The following TRAPPC8 variants were observed in gnomAD, a reference collection of about 807,000 sequenced individuals.
The protein encoded by TRAPPC8 is trafficking protein particle complex subunit 8.
TRAPPC8 carries 54 observed loss-of-function variants against 174.3 expected under a neutral mutation model. That is an observed-to-expected ratio of 0.31 (90% CI 0.25 to 0.39). TRAPPC8 has a LOEUF of 0.39. TRAPPC8 is among the 10% of genes least tolerant of loss of function. TRAPPC8 has a pLI of 1.00. For synonymous variants in TRAPPC8, 630 were observed against 579.9 expected (o/e 1.09, Z -1.24); for missense variants, 1,531 against 1,699.1 (o/e 0.90, Z 1.74).
intron 7 of TRAPPC8, 31 bp from the exon 8 acceptor site, chr18:31,908,449 A>G: frequency 7.2e-7 from 1 of 1,393,694 alleles, no homozygotes; most frequent in Non-Finnish European, 9.7e-7. Flanking sequence ...ATGTTGACAA[A>G]CAAAGAATTT....
chr18:31,850,085 T>C (rs2033630836), intron 24 of TRAPPC8, among the ~76,000 whole-genome samples: 1 of 152,058 alleles, frequency 6.6e-6, no homozygotes, highest in African/African-American at 2.4e-5. Flanking sequence ...TCCGAGTAGC[T>C]AGGTTACAGG....
chr18:31,849,134 T>A (rs2033567082), intron 25 of TRAPPC8, among the ~76,000 whole-genome samples: 2 of 152,140 alleles, frequency 1.3e-5, no homozygotes, highest in Non-Finnish European at 2.9e-5. Flanking sequence ...TATGTCATTT[T>A]AAAAATACTA....
chr18:31,890,473 A>T (rs938077290), intron 12 of TRAPPC8, among the ~76,000 whole-genome samples: 1 of 152,146 alleles, frequency 6.6e-6, no homozygotes, highest in African/African-American at 2.4e-5. Flanking sequence ...ATTTAGTTTA[A>T]CCTAACCAAA....
chr18:31,836,807 G>A (rs1257401235), intron 27 of TRAPPC8, among the ~76,000 whole-genome samples: 1 of 144,326 alleles, frequency 6.9e-6, no homozygotes, highest in Non-Finnish European at 1.5e-5. Flanking sequence ...TGTCGCCCAG[G>A]CTGGACTGCA....
chr18:31,857,636 T>G lies in TRAPPC8; in HGVS notation c.3092A>C (p.Gln1031Pro). The G allele has an allele frequency of 4.3e-6, 7 of 1,614,166 alleles. No individual in the cohort carries two copies. Among genetic ancestry groups the G allele is most frequent in the Non-Finnish European group, 5.9e-6 (7 of 1,180,020 alleles). The change falls in exon 20 of 29, where the codon CAG becomes CCG. Residue 1031 changes from glutamine (Q) to proline (P), a missense_variant. Gln to Pro is a moderately conservative substitution (Grantham distance 76). Transcript: ENST00000283351. ...AGGCCCACGTAACCACATTGGCAGCTGCACTGAGGCTCCGGGTAGAAGAAC... is the reference window on the plus strand; with the variant it reads ...AGGCCCACGTAACCACATTGGCAGCGGCACTGAGGCTCCGGGTAGAAGAAC... The part of the protein sequence containing the change: ...DTVLLPGASV[Q>P]LPMWLRGPDE...
At chr18:31,842,404 G>A (rs566541362) in intron 26 of TRAPPC8, among the ~76,000 whole-genome samples, 1 of 152,178 alleles carries the variant, frequency 6.6e-6, no homozygotes, top group Non-Finnish European at 1.5e-5. Flanking sequence ...AACACTGATT[G>A]TGAGACATGA....
intron 2 of TRAPPC8, among the ~76,000 whole-genome samples, chr18:31,928,174 A>T (rs34059722): frequency 0.093 from 13,910 of 149,646 alleles, 857 homozygotes; most frequent in African/African-American, 0.18. Flanking sequence ...AAAATAAAAT[A>T]AAATAAAATA....
chr18:31,879,450 T>C (rs1301023233), intron 12 of TRAPPC8, among the ~76,000 whole-genome samples: 2 of 151,942 alleles, frequency 1.3e-5, no homozygotes, highest in East Asian at 3.9e-4. Context: ...ACACAACATA[T>C]CAATACCTCT....
chr18:31,908,402 C>T lies in TRAPPC8; in HGVS notation c.1139G>A (p.Gly380Asp), dbSNP rs770266674. ...QLNDQLISRKGLSRSLFSATK... is the reference protein window; with the variant it reads ...QLNDQLISRKDLSRSLFSATK... ...TGCAGAAAATAGAGATCGACTCAAA[C>T]CTTTTCTTGATATTAGCTTTAAAAA... The change falls in exon 8 of 29, where the codon GGT (glycine) becomes GAT (aspartate). Residue 380 changes from glycine to aspartate, a missense_variant. Physicochemically the swap from Gly to Asp is moderately conservative, Grantham distance 94. Transcript: ENST00000283351. The T allele has an allele frequency of 1.9e-6, 3 of 1,585,988 alleles. No individual in the cohort carries two copies. The highest frequency in any genetic ancestry group is 2.6e-6 in the Non-Finnish European group (3 of 1,166,962).
At chr18:31,842,509 T>C (rs972663911) in intron 26 of TRAPPC8, among the ~76,000 whole-genome samples, 2 of 152,186 alleles carry the variant, frequency 1.3e-5, no homozygotes, top group Non-Finnish European at 2.9e-5. Flanking sequence ...AGACACCAAA[T>C]ACTAATGTGG....
intron 12 of TRAPPC8, among the ~76,000 whole-genome samples, chr18:31,880,166 A>G (rs1315071134): frequency 7.0e-6 from 1 of 142,760 alleles, no homozygotes; most frequent in Non-Finnish European, 1.5e-5. Context: ...AACTAATATC[A>G]TCCTGATATC....
chr18:31,846,902 A>C, intron 25 of TRAPPC8, 85 bp from the exon 26 acceptor site: 2 of 930,140 alleles, frequency 2.2e-6, no homozygotes, highest in Non-Finnish European at 3.3e-6. Context: ...GAAAGTGGAA[A>C]TAATATGGCC....
intron 8 of TRAPPC8, 37 bp from the exon 9 acceptor site, chr18:31,907,647 C>A: frequency 2.7e-6 from 4 of 1,482,852 alleles, no homozygotes; most frequent in Non-Finnish European, 2.7e-6. Context: ...TAATTTATTA[C>A]CCCCCAAACC....
intron 1 of TRAPPC8, among the ~76,000 whole-genome samples, chr18:31,935,364 C>CAAA (rs10646414): frequency 9.2e-6 from 1 of 108,196 alleles, no homozygotes. Context: ...ACAAACAAAC[C>CAAA]AAAAAAAAAA....
At position 31,906,174 on chromosome 18, in the gene TRAPPC8, C is replaced by T. The variant is rs1242655736; in HGVS notation, c.1389+1286G>A. On this transcript the variant is annotated intron_variant, in intron 9 of 28. Coordinates refer to ENST00000283351, the MANE Select transcript of TRAPPC8 (RefSeq NM_014939.5). ...CGAAACCCTGTCTATACTAAAAATA[C>T]GAAAAAAAAAAAAAAAATTAGATGG... Among the ~76,000 whole-genome samples, 14 of 120,882 alleles carry T rather than the reference C, an allele frequency of 1.2e-4. No individual in the cohort carries two copies. In the East Asian group the frequency reaches 3.0e-3, roughly 26 times the overall value. 79.3% of individuals were successfully genotyped at this position (120,882 alleles called of 152,430 possible).
intron 12 of TRAPPC8, among the ~76,000 whole-genome samples, chr18:31,878,605 T>C (rs1255586459): frequency 6.6e-6 from 1 of 152,156 alleles, no homozygotes; most frequent in Non-Finnish European, 1.5e-5. Context: ...CAATTGGGAC[T>C]ACAAAGCAAC....
At chr18:31,879,034 T>G (rs920715598) in intron 12 of TRAPPC8, among the ~76,000 whole-genome samples, 1 of 152,178 alleles carries the variant, frequency 6.6e-6, no homozygotes, top group Non-Finnish European at 1.5e-5. Context: ...ACTGGGGGAC[T>G]TCAACACCCC....
chr18:31,847,422 T>C (rs549378862), intron 25 of TRAPPC8, among the ~76,000 whole-genome samples: 75 of 152,364 alleles, frequency 4.9e-4, no homozygotes, highest in African/African-American at 1.7e-3. Context: ...TAAATGGCTC[T>C]GATCTACTGT....
chr18:31,841,837 C>T (rs1036995406), intron 26 of TRAPPC8, among the ~76,000 whole-genome samples: 1 of 152,024 alleles, frequency 6.6e-6, no homozygotes, highest in Non-Finnish European at 1.5e-5. Flanking sequence ...TACTTTATCC[C>T]CCAGTATCAG....
Sources: gnomAD v4.1 joint callset for allele counts (sites outside exome capture counted in the v4.1 genomes callset) on GRCh38, gnomAD v4.1.1 for gene constraint, MANE v1.5 for transcripts, NCBI Gene and HGNC (gene_info 2026-07-23, HGNC 2026-07-21) for gene names.